TRIM22: variants seen among roughly 807,000 people sequenced by gnomAD.
The protein encoded by TRIM22 is tripartite motif containing 22.
Under a neutral mutation model 53.6 loss-of-function variants are expected in TRIM22, and 45 were observed. That is an observed-to-expected ratio of 0.84 (90% CI 0.66 to 1.08). The LOEUF is 1.08. Ranked by LOEUF, TRIM22 falls within the 50% of genes least tolerant of loss-of-function variation. The pLI, the probability that TRIM22 is intolerant of heterozygous loss-of-function variation, is 0.00. For missense variants in TRIM22, 616 were observed against 590.9 expected, an observed-to-expected ratio of 1.04 and a Z score of -0.44; for synonymous variants, 225 against 216.6, an observed-to-expected ratio of 1.04 and a Z score of -0.34.
Position 5,702,646 on chromosome 11 carries a change from A to C in TRIM22, c.751-3948A>C, listed in dbSNP as rs113001814. ...AACGTTGCTGTCATTCATTTCACTT[A>C]TCCATAAGCTGTAATCGCCCACTAC... On this transcript the variant is annotated intron_variant, in intron 4 of 7. Transcript: ENST00000379965. Among the ~76,000 whole-genome samples the C allele has an allele frequency of 1.8e-3, 271 of 152,062 alleles. 1 individual carries two copies. The highest frequency in any genetic ancestry group is 6.8e-3 in the Middle Eastern group (2 of 292).
chr11:5,710,697 AC>A lies in TRIM22; in HGVS notation c.*1050del, dbSNP rs1853546618. On this transcript the variant is annotated 3_prime_UTR_variant, in exon 8 of 8. Coordinates refer to ENST00000379965, the MANE Select transcript of TRIM22 (RefSeq NM_006074.5). ...CTAATTCCTCTGATCACTTTGAGAA[AC>A]AAACTTTTATTAAATGTAAGGCACT... The A allele has an allele frequency of 6.6e-6, 1 of 152,224 alleles. No homozygotes were observed. Among genetic ancestry groups the A allele is most frequent in the Admixed American group, 6.5e-5 (1 of 15,280 alleles). The allele number at this position is 152,224 out of a possible 1,614,324, so 9.4% of individuals were successfully genotyped here.
chr11:5,702,103 T>A (rs748884904), intron 4 of TRIM22, among the ~76,000 whole-genome samples: 123 of 146,856 alleles, frequency 8.4e-4, no homozygotes, highest in Admixed American at 1.9e-3. Context: ...ATATATAATA[T>A]ACATAACTAA....
chr11:5,705,091 A>G (rs1853439479), intron 4 of TRIM22, among the ~76,000 whole-genome samples: 1 of 152,218 alleles, frequency 6.6e-6, no homozygotes, highest in Admixed American at 6.5e-5. Flanking sequence ...GTTAAAGTAG[A>G]CAAAATTAGT....
intron 4 of TRIM22, among the ~76,000 whole-genome samples, chr11:5,699,981 T>C (rs1255098083): frequency 6.6e-6 from 1 of 152,052 alleles, no homozygotes; most frequent in African/African-American, 2.4e-5. Context: ...TCTTGTATAT[T>C]GCAACCTTGC....
At chr11:5,706,112 A>T (rs1853453598) in intron 4 of TRIM22, among the ~76,000 whole-genome samples, 1 of 152,268 alleles carries the variant, frequency 6.6e-6, no homozygotes, top group African/African-American at 2.4e-5. Flanking sequence ...ATAAAAACAC[A>T]ATGAATTAAT....
At chr11:5,697,029 A>G in intron 2 of TRIM22, 1 of 522,942 alleles carries the variant, frequency 1.9e-6, no homozygotes. Context: ...GAAAAGAATC[A>G]GGCTACTCTT....
At chr11:5,700,760 C>T (rs886596252) in intron 4 of TRIM22, among the ~76,000 whole-genome samples, 8 of 151,486 alleles carry the variant, frequency 5.3e-5, no homozygotes, top group Non-Finnish European at 8.8e-5. Context: ...TCAGCTGGGA[C>T]TGCAGGCCGC....
chr11:5,709,243 G>T lies in TRIM22; in HGVS notation c.1092G>T (p.Lys364Asn), dbSNP rs191847788. The T allele has an allele frequency of 6.2e-7, 1 of 1,614,210 alleles. No individual in the cohort carries two copies. Among genetic ancestry groups the T allele is most frequent in the Admixed American group, 1.7e-5 (1 of 60,016 alleles). The change falls in exon 8 of 8, where the codon AAG becomes AAT. Residue 364 changes from lysine (K) to asparagine (N), a missense_variant. Physicochemically the swap from Lys to Asn is moderately conservative, Grantham distance 94. Coordinates refer to ENST00000379965, the MANE Select transcript of TRIM22 (RefSeq NM_006074.5). ...ACTGGGAAGTAGATGTGTCTGGAAA[G>T]ATTGCCTGGATCCTGGGCGTACACA... ...KYYWEVDVSGKIAWILGVHSK... is the reference protein window; with the variant it reads ...KYYWEVDVSGNIAWILGVHSK...
Position 5,701,389 on chromosome 11 carries a change from C to T in TRIM22, c.750+2844C>T, listed in dbSNP as rs116197947. On this transcript the variant is annotated intron_variant, in intron 4 of 7. Coordinates refer to ENST00000379965, the MANE Select transcript of TRIM22 (RefSeq NM_006074.5). Reference sequence around the variant, plus strand: ...TTTGGAGTATTACAGCTGTCTGTTACTGATTACTAGTTAAATTCTATTGTT... The same window carrying T: ...TTTGGAGTATTACAGCTGTCTGTTATTGATTACTAGTTAAATTCTATTGTT... 5.0e-3 allele frequency among the ~76,000 whole-genome samples: 756 copies of T among 149,716 alleles called. 6 individuals carry two copies. The highest frequency in any genetic ancestry group is 0.019 in the African/African-American group (732 of 39,114).
chr11:5,698,121 T>G (rs1046735946), intron 3 of TRIM22, 194 bp from the exon 4 acceptor site: 3 of 562,402 alleles, frequency 5.3e-6, no homozygotes, highest in Middle Eastern at 4.8e-4. Context: ...CTGACTTGAG[T>G]GTATTGCTTT....
chr11:5,692,831 T>TGG (rs2134170645), intron 1 of TRIM22, among the ~76,000 whole-genome samples: 1 of 150,766 alleles, frequency 6.6e-6, no homozygotes, highest in South Asian at 2.1e-4. Flanking sequence ...CTAAACCCCT[T>TGG]ATAATTTTTC....
intron 4 of TRIM22, among the ~76,000 whole-genome samples, chr11:5,704,294 A>G (rs574166729): frequency 6.6e-6 from 1 of 152,010 alleles, no homozygotes; most frequent in East Asian, 1.9e-4. Flanking sequence ...TTCCAATACA[A>G]TGTTGACCTT....
intron 4 of TRIM22, among the ~76,000 whole-genome samples, chr11:5,705,077 G>A (rs1405440865): frequency 6.6e-6 from 1 of 152,176 alleles, no homozygotes; most frequent in African/African-American, 2.4e-5. Flanking sequence ...ATTCCCTGCA[G>A]TTGGTTAAAG....
chr11:5,704,327 G>A (rs1853424776), intron 4 of TRIM22, among the ~76,000 whole-genome samples: 2 of 151,696 alleles, frequency 1.3e-5, no homozygotes, highest in African/African-American at 2.4e-5. Flanking sequence ...ACACACGCTA[G>A]TCTTTTTCTT....
At chr11:5,697,446 C>T (rs1853285333) in intron 3 of TRIM22, 103 bp downstream of exon 3, 2 of 793,348 alleles carry the variant, frequency 2.5e-6, no homozygotes, top group African/African-American at 1.7e-5. Flanking sequence ...CTAGAATTAA[C>T]AAGCATAGAA....
chr11:5,705,029 T>C (rs1853438384), intron 4 of TRIM22, among the ~76,000 whole-genome samples: 1 of 152,160 alleles, frequency 6.6e-6, no homozygotes, highest in African/African-American at 2.4e-5. Context: ...GATTGTTTCT[T>C]TATAATAACT....
chr11:5,701,681 TTG>T, intron 4 of TRIM22, among the ~76,000 whole-genome samples: 1 of 152,278 alleles, frequency 6.6e-6, no homozygotes, highest in African/African-American at 2.4e-5. Flanking sequence ...TACAAAAAAA[TTG>T]TCTCATAGTT....
chr11:5,708,373 G>A, intron 6 of TRIM22, 100 bp downstream of exon 6: 1 of 1,154,110 alleles, frequency 8.7e-7, no homozygotes, highest in Admixed American at 2.1e-5. Flanking sequence ...AGGAGAGGAG[G>A]TGGGCCAGAG....
chr11:5,695,449 A>G (rs1467024258), intron 1 of TRIM22, among the ~76,000 whole-genome samples: 1 of 152,210 alleles, frequency 6.6e-6, no homozygotes, highest in Non-Finnish European at 1.5e-5. Flanking sequence ...AAGTAAAATA[A>G]TTCAGACACC....
Sources: allele counts gnomAD v4.1 joint callset (sites outside exome capture counted in the v4.1 genomes callset), GRCh38; gene constraint gnomAD v4.1.1; transcripts MANE v1.5; gene names NCBI Gene and HGNC (gene_info 2026-07-23, HGNC 2026-07-21).